Variants in MCF2L2 observed in about 807,000 individuals in gnomAD.
The protein encoded by MCF2L2 is probable guanine nucleotide exchange factor MCF2L2.
MCF2L2 carries 102 observed loss-of-function variants against 150.2 expected under a neutral mutation model. The observed-to-expected ratio is 0.68, with a 90% CI of 0.58 to 0.80. The LOEUF (loss-of-function observed/expected upper bound fraction) is 0.80, where lower values mean the gene tolerates loss of function less well. MCF2L2 is among the 30% of genes least tolerant of loss of function. The pLI is 0.00. For missense variants in MCF2L2, 1,256 were observed against 1,372.8 expected (o/e 0.91, Z 1.34); for synonymous variants, 465 against 491.3 (o/e 0.95, Z 0.71).
At chr3:183,262,840 T>C (rs950619381) in intron 15 of MCF2L2, among the ~76,000 whole-genome samples, 27 of 152,202 alleles carry the variant, frequency 1.8e-4, no homozygotes, top group African/African-American at 4.6e-4. Context: ...CAAAGCTAGA[T>C]AGTGCCATTT....
At position 183,270,827 on chromosome 3, in the gene MCF2L2, C is replaced by T; in HGVS notation, c.1862+6045G>A. ...ATGCTACAGATCCTAAAGTAAAAAC[C>T]ATTTCCAAAGGTTTTTTTGGTCAAA... is the stretch of plus-strand genomic sequence containing the variant. On this transcript the variant is annotated intron_variant, in intron 15 of 29. Transcript: ENST00000328913. The surrounding 1 kb of genome is among the most constrained non-coding windows in gnomAD (Gnocchi z 4.5). 1 of 1,613,802 alleles carries T rather than the reference C, an allele frequency of 6.2e-7. No homozygotes were observed. The highest frequency in any genetic ancestry group is 1.1e-5 in the South Asian group (1 of 91,020).
At chr3:183,284,126 T>C (rs760040336) in intron 14 of MCF2L2, among the ~76,000 whole-genome samples, 5 of 152,162 alleles carry the variant, frequency 3.3e-5, no homozygotes, top group Non-Finnish European at 4.4e-5. Context: ...AGTGATGTCA[T>C]TTCTTTATTG....
rs1167079862 is a variant in MCF2L2 at position 183,179,677 on chromosome 3, G to C, written c.3121C>G (p.Gln1041Glu). ...SSALSLAGLFQSDDSHETCSS... is the reference protein window; with the variant it reads ...SSALSLAGLFESDDSHETCSS... Reference sequence around the variant, plus strand: ...CAGGTTTCGTGACTGTCGTCCGACTGGAAAAGGCCCGCGAGCTGGAAGGGA... The same window carrying C: ...CAGGTTTCGTGACTGTCGTCCGACTCGAAAAGGCCCGCGAGCTGGAAGGGA... The change falls in exon 29 of 30, where the codon CAG (glutamine) becomes GAG (glutamate). Residue 1041 changes from glutamine (Q) to glutamate (E), a missense_variant. Coordinates refer to ENST00000328913, the MANE Select transcript of MCF2L2 (RefSeq NM_015078.4). This position sits in a 1 kb window ranked among gnomAD's most constrained non-coding sequence, Gnocchi z 4.2. The C allele has an allele frequency of 5.0e-6, 8 of 1,613,916 alleles. No individual in the cohort carries two copies. The highest frequency in any genetic ancestry group is 6.8e-6 in the Non-Finnish European group (8 of 1,179,910).
intron 8 of MCF2L2, 27 bp from the exon 9 acceptor site, chr3:183,311,056 G>A: frequency 7.0e-7 from 1 of 1,436,804 alleles, no homozygotes; most frequent in Non-Finnish European, 9.8e-7. Context: ...AGAAAGTGAT[G>A]TTAGGTTAGC....
chr3:183,234,303 G>C (rs1723704199), intron 15 of MCF2L2, among the ~76,000 whole-genome samples: 2 of 152,196 alleles, frequency 1.3e-5, no homozygotes, highest in Non-Finnish European at 2.9e-5. Context: ...GAAATAACCA[G>C]GAGGTGGACA....
chr3:183,214,974 G>A (rs1042417106), intron 22 of MCF2L2, among the ~76,000 whole-genome samples: 5 of 152,008 alleles, frequency 3.3e-5, no homozygotes, highest in Non-Finnish European at 4.4e-5. Flanking sequence ...CAGCCTGGGC[G>A]ACAGAGCAAG....
chr3:183,374,046 C>T (rs1713038624), intron 3 of MCF2L2: 1 of 152,884 alleles, frequency 6.5e-6, no homozygotes, highest in Non-Finnish European at 1.5e-5. Context: ...CTTCGTTTTG[C>T]ACCTGTCTCA....
At chr3:183,258,300 GC>G (rs890296728) in intron 15 of MCF2L2, 10 of 152,568 alleles carry the variant, frequency 6.6e-5, no homozygotes, top group African/African-American at 2.4e-4. Context: ...AATGCTCCTT[GC>G]CCTACTCCTC....
rs1022542377 is a variant in MCF2L2 at position 183,283,665 on chromosome 3, G to A, written c.1776+5455C>T. ...GCCTCCTGAGTAGCTGGGATTACAGGTGCCCGCCACCATGCCCAGCTAATT... is the reference window on the plus strand; with the variant it reads ...GCCTCCTGAGTAGCTGGGATTACAGATGCCCGCCACCATGCCCAGCTAATT... On this transcript the variant is annotated intron_variant, in intron 14 of 29. Coordinates refer to ENST00000328913, the MANE Select transcript of MCF2L2 (RefSeq NM_015078.4). This position sits in a 1 kb window ranked among gnomAD's most constrained non-coding sequence, Gnocchi z 4.2. Among the ~76,000 whole-genome samples, 1 of 151,994 alleles carries A rather than the reference G, an allele frequency of 6.6e-6. No homozygotes were observed. Among genetic ancestry groups the A allele is most frequent in the Admixed American group, 6.6e-5 (1 of 15,248 alleles).
chr3:183,179,990 GAGGCTAGGGAC>G lies in MCF2L2; in HGVS notation c.3105+70_3105+80del. The G allele has an allele frequency of 8.8e-7, 1 of 1,130,538 alleles. No individual in the cohort carries two copies. Among genetic ancestry groups the G allele is most frequent in the Non-Finnish European group, 1.3e-6 (1 of 751,118 alleles). The allele number at this position is 1,130,538 out of a possible 1,614,324, so 70.0% of individuals were successfully genotyped here. ...AATCCTGAGGAGGGGGAGAGGGATGGAGGCTAGGGACAGGAGGCAGGAGGAGCTGATGAATA... is the reference window on the plus strand; with the variant it reads ...AATCCTGAGGAGGGGGAGAGGGATGGAGGAGGCAGGAGGAGCTGATGAATA... On this transcript the variant is annotated intron_variant, in intron 28 of 29. Coordinates refer to ENST00000328913, the MANE Select transcript of MCF2L2 (RefSeq NM_015078.4). The surrounding 1 kb of genome is among the most constrained non-coding windows in gnomAD (Gnocchi z 4.2).
chr3:183,183,917 AACACACAC>A (rs35802540), intron 27 of MCF2L2, among the ~76,000 whole-genome samples: 1 of 151,114 alleles, frequency 6.6e-6, no homozygotes, highest in Non-Finnish European at 1.5e-5. Context: ...AAACAGAGCA[AACACACAC>A]ACACACACAC....
At chr3:183,280,218 T>C (rs1727393539) in intron 14 of MCF2L2, among the ~76,000 whole-genome samples, 1 of 152,110 alleles carries the variant, frequency 6.6e-6, no homozygotes, top group Non-Finnish European at 1.5e-5. Flanking sequence ...TTCTTACATC[T>C]TTCCAAAACA....
At chr3:183,392,647 C>T (rs1714223940) in intron 1 of MCF2L2, among the ~76,000 whole-genome samples, 2 of 152,176 alleles carry the variant, frequency 1.3e-5, no homozygotes, top group South Asian at 4.1e-4. Flanking sequence ...CCAACCTGGC[C>T]AGCTGCAACA....
intron 3 of MCF2L2, among the ~76,000 whole-genome samples, chr3:183,371,471 T>C (rs1457045927): frequency 1.4e-5 from 2 of 147,596 alleles, no homozygotes; most frequent in Admixed American, 6.7e-5. Flanking sequence ...AAGCCTTTTT[T>C]TTTTTTTTTT....
chr3:183,284,830 T>C (rs76222208), intron 14 of MCF2L2, among the ~76,000 whole-genome samples: 3,022 of 152,104 alleles, frequency 0.02, 60 homozygotes, highest in East Asian at 0.052. Context: ...CAAGAAACCA[T>C]GAGAATCTTT....
chr3:183,258,317 TC>T (rs540102195), intron 15 of MCF2L2: 294 of 152,950 alleles, frequency 1.9e-3, no homozygotes, highest in Non-Finnish European at 3.5e-3. Flanking sequence ...TCCTCCCTTC[TC>T]CTTTTCTTTC....
At chr3:183,210,252 A>G (rs1259702780) in intron 22 of MCF2L2, among the ~76,000 whole-genome samples, 1 of 152,212 alleles carries the variant, frequency 6.6e-6, no homozygotes, top group Non-Finnish European at 1.5e-5. Context: ...CCTAAATATA[A>G]AGACAATAAA....
intron 13 of MCF2L2, among the ~76,000 whole-genome samples, chr3:183,295,070 T>C (rs1369464146): frequency 6.6e-6 from 1 of 152,222 alleles, no homozygotes; most frequent in Non-Finnish European, 1.5e-5. Flanking sequence ...GCCTTTATGA[T>C]GCATTTTTAT....
At chr3:183,187,555 G>A (rs918744452) in intron 27 of MCF2L2, among the ~76,000 whole-genome samples, 2 of 151,950 alleles carry the variant, frequency 1.3e-5, no homozygotes, top group African/African-American at 4.8e-5. Context: ...TGCAACCTCC[G>A]CTTCCTGAGT....
Sources: allele counts gnomAD v4.1 joint callset (sites outside exome capture counted in the v4.1 genomes callset), GRCh38; gene constraint gnomAD v4.1.1; non-coding constraint Gnocchi (gnomAD v3.1); transcripts MANE v1.5; gene names NCBI Gene and HGNC (gene_info 2026-07-23, HGNC 2026-07-21).